The following BRF1 variants were observed in gnomAD, a reference collection of about 807,000 sequenced individuals.
BRF1 encodes transcription factor IIIB 90 kDa subunit.
Under a neutral mutation model 81.7 loss-of-function variants are expected in BRF1, and 59 were observed. That is an observed-to-expected ratio of 0.72 (90% CI 0.59 to 0.90). BRF1 has a LOEUF of 0.90. Among genes scored for constraint, BRF1 ranks in the 40% least tolerant of loss-of-function variants. The pLI, the probability that BRF1 is intolerant of heterozygous loss-of-function variation, is 0.00. For synonymous variants in BRF1, 491 were observed against 395.6 expected, an observed-to-expected ratio of 1.24 and a Z score of -2.86; for missense variants, 1,050 against 936.3, an observed-to-expected ratio of 1.12 and a Z score of -1.58.
chr14:105,223,625 C>G (rs1892644119), intron 10 of BRF1, among the ~76,000 whole-genome samples: 1 of 152,202 alleles, frequency 6.6e-6, no homozygotes, highest in Non-Finnish European at 1.5e-5. Flanking sequence ...AAGTAGCTCA[C>G]TGGTGGCCTG....
intron 4 of BRF1, 75 bp from the exon 5 acceptor site, chr14:105,252,654 A>G: frequency 6.7e-7 from 1 of 1,489,910 alleles, no homozygotes; most frequent in Non-Finnish European, 9.2e-7. Flanking sequence ...CTTAAAATGC[A>G]TCTCTTGTGC....
At chr14:105,263,489 A>G (rs1323845414) in intron 3 of BRF1, among the ~76,000 whole-genome samples, 2 of 152,100 alleles carry the variant, frequency 1.3e-5, no homozygotes, top group African/African-American at 4.8e-5. Context: ...AAGGCAAAAG[A>G]GCCGAGCAGG....
rs1333960804 is a variant in BRF1, at chr14:105,249,929, G to A, written c.544+2578C>T. 1.9e-6 allele frequency: 3 copies of A among 1,611,374 alleles called. No individual in the cohort carries two copies. In the African/African-American group the frequency reaches 4.0e-5, roughly 22 times the overall value. On this transcript the variant is annotated intron_variant, in intron 5 of 17. Coordinates refer to ENST00000547530, the MANE Select transcript of BRF1 (RefSeq NM_001519.4). ...GACGCTGGAGATCATTGTCACTCGG[G>A]AGGCCCTCAACACCAAAGAGGCGGT... is the stretch of plus-strand genomic sequence containing the variant.
At chr14:105,216,177 A>G (rs1891261296) in intron 15 of BRF1, among the ~76,000 whole-genome samples, 1 of 152,212 alleles carries the variant, frequency 6.6e-6, no homozygotes, top group Non-Finnish European at 1.5e-5. Context: ...ACAGAGAGAC[A>G]CACATGCACA....
At chr14:105,226,374 G>C in intron 8 of BRF1, 84 bp from the exon 9 acceptor site, 1 of 1,572,550 alleles carries the variant, frequency 6.4e-7, no homozygotes, top group Non-Finnish European at 8.7e-7. Context: ...GGGCCCCAGG[G>C]ACCACAGGCT....
At chr14:105,229,470 C>G (rs587624164) in intron 6 of BRF1, among the ~76,000 whole-genome samples, 32 of 152,312 alleles carry the variant, frequency 2.1e-4, no homozygotes, top group African/African-American at 6.3e-4. Flanking sequence ...GGTAAGGGCC[C>G]GGATGAGGAG....
chr14:105,248,569 T>TCGGGCGGGCGGC (rs2055304765), intron 5 of BRF1: 5 of 542,156 alleles, frequency 9.2e-6, no homozygotes, highest in Non-Finnish European at 1.1e-5. Flanking sequence ...GGGTACGGGC[T>TCGGGCGGGCGGC]CGGGCGGGCG....
At chr14:105,314,395 C>G (rs1026646921) in intron 1 of BRF1, 1 of 151,222 alleles carries the variant, frequency 6.6e-6, no homozygotes, top group Non-Finnish European at 1.5e-5. Flanking sequence ...GGGGGCGGCG[C>G]CTGAAGCTGG....
Position 105,219,114 on chromosome 14 carries a change from T to C in BRF1, c.1459+37A>G. 2.5e-6 allele frequency: 4 copies of C among 1,613,798 alleles called. No individual in the cohort carries two copies. The Admixed American group carries it at 5.0e-5, about 20-fold the overall frequency. On this transcript the variant is annotated intron_variant, in intron 13 of 17. Transcript: ENST00000547530. Reference sequence around the variant, plus strand: ...GCCCACGCCCCAGGCCTGGGGACTGTGCGTCCTGCGTGTGAGTGTGGGCGG... The same window carrying C: ...GCCCACGCCCCAGGCCTGGGGACTGCGCGTCCTGCGTGTGAGTGTGGGCGG...
upstream of BRF1, among the ~76,000 whole-genome samples, chr14:105,304,012 G>C (rs2058105474): frequency 3.3e-5 from 5 of 152,252 alleles, no homozygotes; most frequent in South Asian, 1.0e-3. Context: ...AGACTAGAGG[G>C]GTTATTTCGT....
intron 1 of BRF1, among the ~76,000 whole-genome samples, chr14:105,306,451 A>G (rs1250774850): frequency 1.3e-5 from 2 of 148,952 alleles, no homozygotes; most frequent in African/African-American, 2.5e-5. Context: ...TTACAGGTGC[A>G]TGCCACCATG....
intron 16 of BRF1, chr14:105,211,600 C>G (rs901317004): frequency 2.4e-6 from 1 of 419,602 alleles, no homozygotes; most frequent in Non-Finnish European, 4.3e-6. Flanking sequence ...AGGCCTCGGC[C>G]GAGGACACTG....
intron 5 of BRF1, among the ~76,000 whole-genome samples, chr14:105,252,215 C>CTAT (rs2055656001): frequency 6.6e-6 from 1 of 152,172 alleles, no homozygotes; most frequent in Non-Finnish European, 1.5e-5. Flanking sequence ...GGTCTCATGC[C>CTAT]TGTAATCCCA....
intron 14 of BRF1, among the ~76,000 whole-genome samples, chr14:105,218,289 C>A (rs1463370202): frequency 6.6e-6 from 1 of 152,192 alleles, no homozygotes; most frequent in African/African-American, 2.4e-5. Flanking sequence ...CACTTCAGGG[C>A]AATCAGCCTG....
chr14:105,210,257 C>T lies in BRF1; in HGVS notation c.*294G>A, dbSNP rs1016259510. ...CCTTAATAGTAGCAACACCACACTGCCAGCCTTGGAGGGTCCTTGGATGAG... is the reference window on the plus strand; with the variant it reads ...CCTTAATAGTAGCAACACCACACTGTCAGCCTTGGAGGGTCCTTGGATGAG... On this transcript the variant is annotated 3_prime_UTR_variant, in exon 18 of 18. Transcript: ENST00000547530. This position sits in a 1 kb window ranked among gnomAD's most constrained non-coding sequence, Gnocchi z 4.7. 11 of 454,470 alleles carry T rather than the reference C, an allele frequency of 2.4e-5. No individual in the cohort carries two copies. Among genetic ancestry groups the T allele is most frequent in the Non-Finnish European group, 4.5e-5 (11 of 246,992 alleles). The allele number at this position is 454,470 out of a possible 1,614,324, so 28.2% of individuals were successfully genotyped here.
At chr14:105,229,550 C>T (rs748119220) in intron 6 of BRF1, among the ~76,000 whole-genome samples, 1 of 152,336 alleles carries the variant, frequency 6.6e-6, no homozygotes, top group East Asian at 1.9e-4. Flanking sequence ...GCCACATCCA[C>T]CCACCAGCAC....
intron 1 of BRF1, among the ~76,000 whole-genome samples, chr14:105,307,619 GCAGT>G (rs1331804407): frequency 6.6e-6 from 1 of 152,136 alleles, no homozygotes; most frequent in African/African-American, 2.4e-5. Flanking sequence ...CCCCCATGCA[GCAGT>G]CAGCAGGGGA....
intron 10 of BRF1, among the ~76,000 whole-genome samples, chr14:105,223,442 A>G (rs1164800848): frequency 1.3e-5 from 2 of 152,252 alleles, no homozygotes; most frequent in Non-Finnish European, 2.9e-5. Context: ...GACTCAACAC[A>G]CACCCTCAGC....
Position 105,314,937 on chromosome 14 carries a change from C to A in BRF1, c.-162+385G>T. On this transcript the variant is annotated intron_variant, in intron 1 of 17. Coordinates refer to the BRF1 transcript ENST00000327359. The stretch of plus-strand genomic sequence containing the variant: ...CGGCGCCATGGCCGAGCGAGGCCGC[C>A]TCGGCCTCCCCGGCGCGCCCGGCGC... The A allele has an allele frequency of 8.8e-7, 1 of 1,141,080 alleles. No homozygotes were observed. Among genetic ancestry groups the A allele is most frequent in the South Asian group, 2.0e-5 (1 of 50,268 alleles). The allele number at this position is 1,141,080 out of a possible 1,614,324, so 70.7% of individuals were successfully genotyped here. A position where few individuals can be genotyped will look rare whatever the true frequency, so the allele number is the denominator to read the frequency against.
Sources: gnomAD v4.1 joint callset for allele counts (sites outside exome capture counted in the v4.1 genomes callset) on GRCh38, gnomAD v4.1.1 for gene constraint, Gnocchi (gnomAD v3.1) non-coding constraint, MANE v1.5 for transcripts, NCBI Gene and HGNC (gene_info 2026-07-23, HGNC 2026-07-21) for gene names.